CDH17: variants seen among roughly 807,000 people sequenced by gnomAD.
CDH17 encodes cadherin 17.
A neutral mutation model predicts 86.3 loss-of-function variants in CDH17; 67 were observed. The observed-to-expected ratio is 0.78, with a 90% CI of 0.64 to 0.95. The LOEUF (loss-of-function observed/expected upper bound fraction) is 0.95. Ranked by LOEUF, CDH17 falls within the 40% of genes least tolerant of loss-of-function variation. CDH17 has a pLI of 0.00. For synonymous variants in CDH17, 367 were observed against 366.4 expected (o/e 1.00, Z -0.02); for missense variants, 993 against 1,017.6 (o/e 0.98, Z 0.33).
At chr8:94,163,460 C>G (rs891860859) in intron 10 of CDH17, among the ~76,000 whole-genome samples, 1 of 152,130 alleles carries the variant, frequency 6.6e-6, no homozygotes, top group Admixed American at 6.5e-5. Context: ...CTGGGGGTGT[C>G]ACGCCCCCGT....
chr8:94,174,391 G>A lies in CDH17; in HGVS notation c.425-131C>T, dbSNP rs555966419. On this transcript the variant is annotated intron_variant, in intron 5 of 17. Transcript: ENST00000027335. The stretch of plus-strand genomic sequence containing the variant: ...AAGGTATGACAATTCACACCAGTGG[G>A]GAAATAAATATTTATCCCACTCCCC... 1.8e-5 allele frequency: 16 copies of A among 869,524 alleles called. No homozygotes were observed. The African/African-American group carries it at 2.2e-4, about 12-fold the overall frequency. The allele number at this position is 869,524 out of a possible 1,614,324, so 53.9% of individuals were successfully genotyped here. A position where few individuals can be genotyped will look rare whatever the true frequency, so the allele number is the denominator to read the frequency against.
At chr8:94,163,818 T>C (rs1813104530) in intron 10 of CDH17, among the ~76,000 whole-genome samples, 1 of 152,194 alleles carries the variant, frequency 6.6e-6, no homozygotes, top group Non-Finnish European at 1.5e-5. Flanking sequence ...AGAACGTTTG[T>C]AGACAACAAG....
chr8:94,212,316 CCAT>C (rs1814135845), upstream of CDH17, among the ~76,000 whole-genome samples: 1 of 152,076 alleles, frequency 6.6e-6, no homozygotes, highest in Admixed American at 6.5e-5. Context: ...CCACCATATC[CCAT>C]TTTTTTTGTA....
chr8:94,147,131 C>T (rs117579120), intron 14 of CDH17, among the ~76,000 whole-genome samples: 1 of 152,166 alleles, frequency 6.6e-6, no homozygotes. Flanking sequence ...ACTCTTGGGA[C>T]ACATCCAGAG....
In CDH17 at chr8:94,174,220, A is replaced by T; in HGVS notation, c.465T>A (p.Asp155Glu). 1 of 1,613,534 alleles carries T rather than the reference A, an allele frequency of 6.2e-7. No individual in the cohort carries two copies. The highest frequency in any genetic ancestry group is 2.2e-5 in the East Asian group (1 of 44,842). ...FLYVNATDLD[D>E]PATPNGQLYY... ...AAAGCTGGCCATTGGGAGTGGCCGG[A>T]TCATCCAGGTCTGTGGCATTGACAT... Residue 155 changes from aspartate (D) to glutamate (E), a missense_variant, in exon 6 of 18, where the codon GAT becomes GAA. Asp to Glu is a conservative substitution (Grantham distance 45). Transcript: ENST00000027335.
At chr8:94,176,154 C>G (rs928065019) in intron 5 of CDH17, among the ~76,000 whole-genome samples, 4 of 152,134 alleles carry the variant, frequency 2.6e-5, no homozygotes, top group Admixed American at 6.5e-5. Flanking sequence ...ATCCTCCCAC[C>G]TCAGCCTCCC....
intron 15 of CDH17, among the ~76,000 whole-genome samples, chr8:94,133,610 C>A (rs552093567): frequency 6.6e-6 from 1 of 152,272 alleles, no homozygotes; most frequent in East Asian, 1.9e-4. Flanking sequence ...CAAACAGGGA[C>A]AATTTGACTT....
At chr8:94,166,941 G>A (rs1419709504) in intron 9 of CDH17, among the ~76,000 whole-genome samples, 1 of 152,178 alleles carries the variant, frequency 6.6e-6, no homozygotes, top group Non-Finnish European at 1.5e-5. Flanking sequence ...CCAGCCTCCA[G>A]GTCTAGGAGA....
In CDH17 at chr8:94,188,699, C is replaced by T. The variant is rs116165930; in HGVS notation, c.150+488G>A. 2.2e-3 allele frequency among the ~76,000 whole-genome samples: 340 copies of T among 152,294 alleles called. 5 individuals are homozygous for T. The highest frequency in any genetic ancestry group is 7.4e-3 in the African/African-American group (307 of 41,564). ...TTCATGGTTATCTAACTAAATAAAA[C>T]GTCCACCTCCCAGTGCACCTTGACA... On this transcript the variant is annotated intron_variant, in intron 3 of 17. Coordinates refer to ENST00000027335, the MANE Select transcript of CDH17 (RefSeq NM_004063.4).
intron 5 of CDH17, among the ~76,000 whole-genome samples, chr8:94,175,454 A>T (rs535125560): frequency 6.6e-6 from 1 of 152,272 alleles, no homozygotes; most frequent in African/African-American, 2.4e-5. Context: ...AAGAAGCTTG[A>T]TGGTGGGATG....
intron 13 of CDH17, among the ~76,000 whole-genome samples, chr8:94,149,942 G>A (rs1036397100): frequency 1.3e-5 from 2 of 152,062 alleles, no homozygotes; most frequent in African/African-American, 4.8e-5. Flanking sequence ...TCCTGGAAAT[G>A]CTACCTAAAA....
intron 9 of CDH17, among the ~76,000 whole-genome samples, chr8:94,167,825 T>A (rs1813185669): frequency 6.6e-6 from 1 of 152,076 alleles, no homozygotes; most frequent in East Asian, 1.9e-4. Context: ...GAGGACCTTG[T>A]GGATCAGTCG....
At chr8:94,154,727 T>C (rs1410311532) in intron 12 of CDH17, among the ~76,000 whole-genome samples, 1 of 152,202 alleles carries the variant, frequency 6.6e-6, no homozygotes, top group Non-Finnish European at 1.5e-5. Context: ...TGCAGTCTCA[T>C]AGCACCTAAT....
intron 1 of CDH17, among the ~76,000 whole-genome samples, chr8:94,205,696 T>G (rs1031597356): frequency 6.9e-6 from 1 of 144,310 alleles, no homozygotes; most frequent in Non-Finnish European, 1.5e-5. Context: ...TCATGAATTG[T>G]TTTTTTTTTT....
Position 94,132,802 on chromosome 8 carries a change from C to A in CDH17, c.2168-1810G>T, listed in dbSNP as rs538563571. Among the ~76,000 whole-genome samples, 4 of 152,272 alleles carry A rather than the reference C, an allele frequency of 2.6e-5. No homozygotes were observed. In the South Asian group the frequency reaches 6.2e-4, roughly 24 times the overall value. On this transcript the variant is annotated intron_variant, in intron 15 of 17. Transcript: ENST00000027335. Reference sequence around the variant, plus strand: ...TTCTAGGGATTTTATGGTTTTAGGTCTAACATTTAAGTCTTTAATCCATCT... The same window carrying A: ...TTCTAGGGATTTTATGGTTTTAGGTATAACATTTAAGTCTTTAATCCATCT...
intron 1 of CDH17, among the ~76,000 whole-genome samples, chr8:94,196,312 A>G (rs1045532012): frequency 4.9e-4 from 75 of 152,368 alleles, no homozygotes; most frequent in African/African-American, 1.7e-3. Flanking sequence ...TAAAGGGTAA[A>G]AATGCTATTT....
chr8:94,182,381 T>G (rs551984575), intron 3 of CDH17, among the ~76,000 whole-genome samples: 7 of 152,252 alleles, frequency 4.6e-5, no homozygotes, highest in Middle Eastern at 3.4e-3. Context: ...AATGAAATAC[T>G]AGCAAACTGA....
At chr8:94,170,688 T>A (rs1813251957) in intron 8 of CDH17, 141 bp from the exon 9 acceptor site, 2 of 1,317,856 alleles carry the variant, frequency 1.5e-6, no homozygotes, top group Non-Finnish European at 2.1e-6. Context: ...AAAACTGAGA[T>A]GGGTCAGAAT....
chr8:94,195,397 T>C (rs1241170294), intron 1 of CDH17, among the ~76,000 whole-genome samples: 1 of 152,188 alleles, frequency 6.6e-6, no homozygotes, highest in African/African-American at 2.4e-5. Context: ...CATATGAGAT[T>C]CCGCAAGTGA....
Sources: gnomAD v4.1 joint callset for allele counts (sites outside exome capture counted in the v4.1 genomes callset) on GRCh38, gnomAD v4.1.1 for gene constraint, MANE v1.5 for transcripts, NCBI Gene and HGNC (gene_info 2026-07-23, HGNC 2026-07-21) for gene names.